Variants in QRFPR observed in about 807,000 individuals in gnomAD.
QRFPR encodes pyroglutamylated RF-amide peptide receptor.
Under a neutral mutation model 31.3 loss-of-function variants are expected in QRFPR, and 37 were observed. The observed-to-expected ratio is 1.18, with a 90% CI of 0.91 to 1.56. The LOEUF is 1.56. QRFPR is among the 40% of genes most tolerant of loss of function. The pLI is 0.00. For missense variants in QRFPR, 542 were observed against 532.5 expected, an observed-to-expected ratio of 1.02 and a Z score of -0.18; for synonymous variants, 197 against 192.0, an observed-to-expected ratio of 1.03 and a Z score of -0.22.
rs866890958 is a variant in QRFPR, at chr4:121,363,530, C to A, written c.340+16778G>T. Among the ~76,000 whole-genome samples, 18 of 149,728 alleles carry A rather than the reference C, an allele frequency of 1.2e-4. 1 individual carries two copies. The highest frequency in any genetic ancestry group is 4.5e-4 in the African/African-American group (18 of 40,388). On this transcript the variant is annotated intron_variant, in intron 1 of 5. Transcript: ENST00000394427. Reference sequence around the variant, plus strand: ...TTCCCCCAGCCCTTTTCCAATTGAACCATACTGGACCCCAAATCTAGGCCA... The same window carrying A: ...TTCCCCCAGCCCTTTTCCAATTGAAACATACTGGACCCCAAATCTAGGCCA...
intron 1 of QRFPR, among the ~76,000 whole-genome samples, chr4:121,365,551 A>T (rs375762208): frequency 0.032 from 116 of 3,644 alleles, 17 homozygotes; most frequent in East Asian, 0.1. Flanking sequence ...ATTATATATA[A>T]TATATAATAT....
intron 1 of QRFPR, among the ~76,000 whole-genome samples, chr4:121,373,762 A>G (rs1020639076): frequency 3.9e-5 from 6 of 152,350 alleles, no homozygotes; most frequent in Admixed American, 1.3e-4. Flanking sequence ...TTTTCACTAA[A>G]TGAAGTTCAA....
At chr4:121,346,621 T>G (rs1725656308) in intron 1 of QRFPR, among the ~76,000 whole-genome samples, 1 of 152,242 alleles carries the variant, frequency 6.6e-6, no homozygotes, top group Non-Finnish European at 1.5e-5. Context: ...GTTCTCAATC[T>G]TAGAAGAAAA....
chr4:121,361,191 T>A (rs1410028256), intron 1 of QRFPR, among the ~76,000 whole-genome samples: 1 of 136,224 alleles, frequency 7.3e-6, no homozygotes, highest in Admixed American at 7.1e-5. Context: ...GAAACCAGGA[T>A]AAATAGTTTC....
chr4:121,336,996 T>TC (rs370682875), intron 2 of QRFPR, 128 bp from the exon 3 acceptor site: 14 of 794,046 alleles, frequency 1.8e-5, no homozygotes, highest in African/African-American at 1.4e-4. Context: ...TGCCATGGTC[T>TC]CCCCCAAGTT....
chr4:121,363,736 T>C (rs951757188), intron 1 of QRFPR, among the ~76,000 whole-genome samples: 1 of 150,128 alleles, frequency 6.7e-6, no homozygotes, highest in Non-Finnish European at 1.5e-5. Flanking sequence ...CTAAAATTTA[T>C]TAATGTATGA....
intron 1 of QRFPR, among the ~76,000 whole-genome samples, chr4:121,371,886 G>A (rs1214813472): frequency 6.6e-6 from 1 of 152,300 alleles, no homozygotes; most frequent in East Asian, 1.9e-4. Context: ...GAGACAATGA[G>A]CATCAATGGA....
At chr4:121,369,838 T>C (rs1298966775) in intron 1 of QRFPR, 1 of 1,032,494 alleles carries the variant, frequency 9.7e-7, no homozygotes. Flanking sequence ...ACAGGGCTGA[T>C]GCAGGTGGCC....
At chr4:121,356,731 C>T (rs1725878184) in intron 1 of QRFPR, among the ~76,000 whole-genome samples, 1 of 151,846 alleles carries the variant, frequency 6.6e-6, no homozygotes, top group African/African-American at 2.4e-5. Flanking sequence ...CTCCAGCTCT[C>T]CTCTCTCTCT....
chr4:121,334,944 A>C (rs1218141593), intron 3 of QRFPR, among the ~76,000 whole-genome samples: 1 of 152,150 alleles, frequency 6.6e-6, no homozygotes, highest in African/African-American at 2.4e-5. Flanking sequence ...TGAAGATCTG[A>C]AATTTTCCAT....
intron 4 of QRFPR, 73 bp downstream of exon 4, chr4:121,332,748 G>T: frequency 8.7e-7 from 1 of 1,151,374 alleles, no homozygotes; most frequent in East Asian, 2.5e-5. Flanking sequence ...GGTTCTGAGA[G>T]CCCTGGCAAC....
chr4:121,335,675 C>G (rs1725422335), intron 3 of QRFPR, among the ~76,000 whole-genome samples: 2 of 151,912 alleles, frequency 1.3e-5, no homozygotes, highest in Non-Finnish European at 2.9e-5. Context: ...CTTCACATTT[C>G]TAGGCCTGAA....
intron 1 of QRFPR, among the ~76,000 whole-genome samples, chr4:121,368,654 G>T (rs1029394097): frequency 6.7e-6 from 1 of 149,834 alleles, no homozygotes; most frequent in African/African-American, 2.5e-5. Context: ...CAAATCTTGG[G>T]TCCCCTTACT....
intron 1 of QRFPR, among the ~76,000 whole-genome samples, chr4:121,365,020 C>T (rs1233336483): frequency 2.0e-5 from 3 of 149,784 alleles, no homozygotes; most frequent in Non-Finnish European, 1.5e-5. Context: ...TTTAAGTCTC[C>T]ATGAGACCTA....
intron 1 of QRFPR, among the ~76,000 whole-genome samples, chr4:121,379,283 C>G (rs1281994956): frequency 6.6e-6 from 1 of 152,194 alleles, no homozygotes; most frequent in Admixed American, 6.5e-5. Context: ...CTCACGATCT[C>G]AAATTGGTAA....
Position 121,380,521 on chromosome 4 carries a change from GT to G in QRFPR, c.126del (p.Arg43AlafsTer28). ...RPLVYTPELPGRAKLALVLTG... is the reference protein window; with the variant it reads ...RPLVYTPELPXRAKLALVLTG... ...GTGAGCACGAGGGCCAGCTTGGCGCGTCCCGGCAGCTCTGGGGTGTAGACGA... is the reference window on the plus strand; with the variant it reads ...GTGAGCACGAGGGCCAGCTTGGCGCGCCCGGCAGCTCTGGGGTGTAGACGA... On this transcript the variant is annotated frameshift_variant, in exon 1 of 6. Coordinates refer to ENST00000394427, the MANE Select transcript of QRFPR (RefSeq NM_198179.3). LOFTEE classifies it high-confidence loss of function. 1 of 1,613,712 alleles carries G rather than the reference GT, an allele frequency of 6.2e-7. No individual in the cohort carries two copies. Among genetic ancestry groups the G allele is most frequent in the Non-Finnish European group, 8.5e-7 (1 of 1,179,806 alleles).
chr4:121,360,560 T>A (rs928265066), intron 1 of QRFPR, among the ~76,000 whole-genome samples: 2 of 152,168 alleles, frequency 1.3e-5, no homozygotes, highest in Admixed American at 6.5e-5. Context: ...TTGACCATGA[T>A]CATCTCACAC....
intron 1 of QRFPR, chr4:121,369,309 G>A (rs1039885635): frequency 1.0e-5 from 5 of 492,722 alleles, no homozygotes; most frequent in African/African-American, 1.9e-5. Context: ...GATTACAGGC[G>A]TGAGCCACTG....
intron 1 of QRFPR, among the ~76,000 whole-genome samples, chr4:121,373,528 T>A (rs1051852023): frequency 4.6e-5 from 7 of 152,246 alleles, no homozygotes; most frequent in Admixed American, 2.6e-4. Flanking sequence ...CAATAGCTTT[T>A]ATCATTTCTG....
Sources: gnomAD v4.1 joint callset for allele counts (sites outside exome capture counted in the v4.1 genomes callset) on GRCh38, gnomAD v4.1.1 for gene constraint, MANE v1.5 for transcripts, NCBI Gene and HGNC (gene_info 2026-07-23, HGNC 2026-07-21) for gene names.